Variants in SLC7A6 observed in about 807,000 individuals in gnomAD.
The protein encoded by SLC7A6 is Y+L amino acid transporter 2.
SLC7A6 carries 29 observed loss-of-function variants against 46.6 expected under a neutral mutation model. The ratio of observed to expected loss-of-function variants is 0.62; its 90% CI spans 0.46 to 0.85. The LOEUF (loss-of-function observed/expected upper bound fraction) is 0.85. Ranked by LOEUF, SLC7A6 falls within the 40% of genes least tolerant of loss-of-function variation. SLC7A6 has a pLI of 0.00. For missense variants in SLC7A6, 527 were observed against 647.6 expected, an observed-to-expected ratio of 0.81 and a Z score of 2.02; for synonymous variants, 276 against 257.3, an observed-to-expected ratio of 1.07 and a Z score of -0.70.
chr16:68,287,947 T>G, intron 4 of SLC7A6, 76 bp downstream of exon 4: 1 of 1,566,198 alleles, frequency 6.4e-7, no homozygotes, highest in Non-Finnish European at 8.7e-7. Context: ...TCTGTTAGCT[T>G]CACTGCTCGG....
At position 68,291,681 on chromosome 16, in the gene SLC7A6, CTGA is replaced by C. The variant is rs2043052868; in HGVS notation, c.1022+22_1022+24del. 6.3e-7 allele frequency: 1 copy of C among 1,599,418 alleles called. No individual in the cohort carries two copies. The highest frequency in any genetic ancestry group is 1.3e-5 in the African/African-American group (1 of 74,554). ...ATCAAGGTACTGTGTCTCTGTGTCA[CTGA>C]TAATAGACCACAATATTTCATTCTC... On this transcript the variant is annotated intron_variant, in intron 7 of 10. Transcript: ENST00000219343.
chr16:68,268,745 C>T (rs1041289905), intron 2 of SLC7A6, among the ~76,000 whole-genome samples: 1 of 152,164 alleles, frequency 6.6e-6, no homozygotes, highest in African/African-American at 2.4e-5. Flanking sequence ...GTGGCTCACG[C>T]CTGTAATCCC....
chr16:68,275,691 T>G (rs565173930), intron 3 of SLC7A6, among the ~76,000 whole-genome samples: 1 of 152,228 alleles, frequency 6.6e-6, no homozygotes, highest in South Asian at 2.1e-4. Context: ...AGGAAGTAAT[T>G]TTACCAGTCA....
chr16:68,267,779 G>A (rs574335471), intron 2 of SLC7A6, among the ~76,000 whole-genome samples: 40 of 152,350 alleles, frequency 2.6e-4, no homozygotes, highest in African/African-American at 9.6e-4. Context: ...GAAAGACCAA[G>A]TCAGGATTAG....
intron 3 of SLC7A6, among the ~76,000 whole-genome samples, chr16:68,285,619 C>G (rs2042914671): frequency 6.6e-6 from 1 of 152,186 alleles, no homozygotes; most frequent in Admixed American, 6.5e-5. Flanking sequence ...GAGCCTGGCA[C>G]CTGCCACCTG....
chr16:68,277,478 A>G (rs2042734140), intron 3 of SLC7A6, among the ~76,000 whole-genome samples: 1 of 150,900 alleles, frequency 6.6e-6, no homozygotes, highest in Non-Finnish European at 1.5e-5. Flanking sequence ...TGCCCGGCTA[A>G]TTTTTTGTAT....
At chr16:68,286,617 G>C (rs2042940221) in intron 3 of SLC7A6, among the ~76,000 whole-genome samples, 1 of 152,224 alleles carries the variant, frequency 6.6e-6, no homozygotes, top group Non-Finnish European at 1.5e-5. Flanking sequence ...CTTCCTGCTG[G>C]ATATTGCTCT....
At chr16:68,271,482 T>C (rs1156659268) in intron 2 of SLC7A6, among the ~76,000 whole-genome samples, 1 of 152,060 alleles carries the variant, frequency 6.6e-6, no homozygotes, top group East Asian at 1.9e-4. Flanking sequence ...AGCTAACTTT[T>C]GTAGTTTTTT....
chr16:68,291,831 C>G (rs1003232373), intron 7 of SLC7A6, 170 bp downstream of exon 7: 12 of 550,790 alleles, frequency 2.2e-5, no homozygotes, highest in African/African-American at 4.3e-5. Context: ...TGCCTTTGTG[C>G]AAGTAGCACA....
Position 68,296,722 on chromosome 16 carries a change from C to T in SLC7A6, c.1365C>T (p.Ile455=), listed in dbSNP as rs777037158. The change falls in exon 10 of 11, where the codon ATC becomes ATT. Residue 455 remains isoleucine (I), a synonymous_variant. Coordinates refer to ENST00000219343, the MANE Select transcript of SLC7A6 (RefSeq NM_003983.6). ...ACACCATTAATTCCCTCATTGGCAT[C>T]GGGATTGCCCTTTCTGGAGTCCCTT... is the stretch of plus-strand genomic sequence containing the variant. ...FTDTINSLIG[I]GIALSGVPFY... 1.4e-5 allele frequency: 23 copies of T among 1,614,096 alleles called. No individual in the cohort carries two copies. The highest frequency in any genetic ancestry group is 1.3e-4 in the South Asian group (12 of 91,084).
chr16:68,280,727 A>G (rs2042814414), intron 3 of SLC7A6, among the ~76,000 whole-genome samples: 1 of 149,688 alleles, frequency 6.7e-6, no homozygotes, highest in Non-Finnish European at 1.5e-5. Context: ...GCCTCTGTGG[A>G]GGGCTCTGGC....
rs1016878758 is a variant in SLC7A6 at position 68,298,513 on chromosome 16, C to T, written c.*1185C>T. ...CAGGCTTTGTTTACACTTGGAGCCA[C>T]CTTGGTGTGGGTCACCGGGACAGTG... On this transcript the variant is annotated 3_prime_UTR_variant, in exon 11 of 11. Transcript: ENST00000219343. The T allele has an allele frequency of 1.3e-5, 2 of 152,250 alleles. No individual in the cohort carries two copies. The highest frequency in any genetic ancestry group is 6.5e-5 in the Admixed American group (1 of 15,288). 9.4% of individuals were successfully genotyped at this position (152,250 alleles called of 1,614,324 possible).
intron 4 of SLC7A6, 136 bp downstream of exon 4, chr16:68,288,007 G>C (rs1567591399): frequency 7.6e-7 from 1 of 1,314,022 alleles, no homozygotes; most frequent in Non-Finnish European, 1.0e-6. Flanking sequence ...AGAGATGGGA[G>C]TAGATTTCTT....
chr16:68,287,232 T>C, intron 3 of SLC7A6: 2 of 984,000 alleles, frequency 2.0e-6, no homozygotes, highest in Non-Finnish European at 2.7e-6. Flanking sequence ...TCTGCCTCAG[T>C]TTCCCAAAGT....
At chr16:68,280,310 G>T (rs1359211696) in intron 3 of SLC7A6, among the ~76,000 whole-genome samples, 1 of 152,184 alleles carries the variant, frequency 6.6e-6, no homozygotes, top group Non-Finnish European at 1.5e-5. Context: ...TTATAGCCAC[G>T]CCATTCTAGA....
At chr16:68,267,926 G>A (rs1426371370) in intron 2 of SLC7A6, among the ~76,000 whole-genome samples, 1 of 152,170 alleles carries the variant, frequency 6.6e-6, no homozygotes, top group Non-Finnish European at 1.5e-5. Context: ...AACCCAAGAG[G>A]CTGGGGGTTT....
At chr16:68,293,141 G>A (rs1423674940) in intron 7 of SLC7A6, among the ~76,000 whole-genome samples, 1 of 152,184 alleles carries the variant, frequency 6.6e-6, no homozygotes, top group Non-Finnish European at 1.5e-5. Context: ...GTCCAGCTGG[G>A]CGTGGGGCTC....
chr16:68,268,899 C>T (rs952940771), intron 2 of SLC7A6, among the ~76,000 whole-genome samples: 2 of 152,056 alleles, frequency 1.3e-5, no homozygotes, highest in East Asian at 1.9e-4. Context: ...CCCAGCTACT[C>T]GGAAAGCTGA....
intron 2 of SLC7A6, among the ~76,000 whole-genome samples, chr16:68,268,522 C>T (rs1180897983): frequency 6.6e-6 from 1 of 152,166 alleles, no homozygotes; most frequent in African/African-American, 2.4e-5. Context: ...CTTTGTAAAA[C>T]TTCCTTTGTA....
Sources: allele counts gnomAD v4.1 joint callset (sites outside exome capture counted in the v4.1 genomes callset), GRCh38; gene constraint gnomAD v4.1.1; transcripts MANE v1.5; gene names NCBI Gene and HGNC (gene_info 2026-07-23, HGNC 2026-07-21).